ZBTB20: variants seen among roughly 807,000 people sequenced by gnomAD.
The protein encoded by ZBTB20 is zinc finger and BTB domain containing 20.
In ZBTB20, 9 loss-of-function variants were observed where a neutral mutation model predicts 56.9. That is an observed-to-expected ratio of 0.16 (90% confidence interval 0.10 to 0.28). ZBTB20 has a LOEUF of 0.28. ZBTB20 is among the 10% of genes least tolerant of loss of function. ZBTB20 has a pLI of 1.00. For missense variants in ZBTB20, 655 were observed against 1,003.0 expected (o/e 0.65, Z 4.69); for synonymous variants, 417 against 420.7 (o/e 0.99, Z 0.11).
Position 114,350,845 on chromosome 3 carries a change from C to T in ZBTB20, c.1233G>A (p.Gln411=), listed in dbSNP as rs1325759490. Residue 411 remains glutamine (Q), a synonymous_variant, in exon 11 of 12, where the codon CAG becomes CAA. Coordinates refer to ENST00000675478, the MANE Select transcript of ZBTB20 (RefSeq NM_001348800.3). The part of the protein sequence containing the change: ...DSQAEPTQPE[Q]AAEAPAEGGP... ...CACCCTCAGCGGGGGCTTCTGCAGC[C>T]TGCTCGGGTTGGGTGGGTTCAGCCT... The T allele has an allele frequency of 2.4e-5, 38 of 1,612,046 alleles. No individual in the cohort carries two copies. In the Admixed American group the frequency reaches 5.8e-4, roughly 25 times the overall value.
At chr3:114,756,926 C>G (rs1402609088) in intron 5 of ZBTB20, among the ~76,000 whole-genome samples, 1 of 152,044 alleles carries the variant, frequency 6.6e-6, no homozygotes, top group Non-Finnish European at 1.5e-5. Context: ...CTTCCAGATA[C>G]CAAAGGAATA....
chr3:114,420,594 C>T, intron 7 of ZBTB20, among the ~76,000 whole-genome samples: 1 of 152,146 alleles, frequency 6.6e-6, no homozygotes, highest in East Asian at 1.9e-4. Flanking sequence ...CTGAAGAATA[C>T]TATCCAGTCT....
intron 3 of ZBTB20, among the ~76,000 whole-genome samples, chr3:114,934,325 C>T (rs1204596876): frequency 6.6e-6 from 1 of 152,196 alleles, no homozygotes; most frequent in African/African-American, 2.4e-5. Context: ...TTGCTGCCCA[C>T]GATTCCTCAA....
chr3:114,558,509 G>A (rs2051556641), intron 6 of ZBTB20, among the ~76,000 whole-genome samples: 2 of 151,996 alleles, frequency 1.3e-5, no homozygotes, highest in South Asian at 4.1e-4. Context: ...TCATGAATCA[G>A]TTTCTGTTCT....
rs78012567 is a variant in ZBTB20 at position 114,831,091 on chromosome 3, T to C, written c.-416-29917A>G. Among the ~76,000 whole-genome samples the C allele has an allele frequency of 5.5e-5, 7 of 127,856 alleles. No homozygotes were observed. In the South Asian group the frequency reaches 6.8e-4, roughly 12 times the overall value. 83.9% of individuals were successfully genotyped at this position (127,856 alleles called of 152,430 possible). A position where few individuals can be genotyped will look rare whatever the true frequency, so the allele number is the denominator to read the frequency against. ...TTCTCTTATGGTTTCTTTCTTCTTT[T>C]TTTTTTTTTTTTTTTTTTTTTTTAG... On this transcript the variant is annotated intron_variant, in intron 4 of 11. Coordinates refer to ENST00000675478, the MANE Select transcript of ZBTB20 (RefSeq NM_001348800.3).
chr3:114,607,361 G>A (rs2057249848), intron 6 of ZBTB20, among the ~76,000 whole-genome samples: 2 of 149,350 alleles, frequency 1.3e-5, no homozygotes, highest in South Asian at 2.1e-4. Flanking sequence ...GGAGTGCAAT[G>A]GCATGATCTC....
At chr3:114,870,898 G>A (rs1046817601) in intron 4 of ZBTB20, among the ~76,000 whole-genome samples, 3 of 151,354 alleles carry the variant, frequency 2.0e-5, no homozygotes, top group Non-Finnish European at 2.9e-5. Context: ...CCTGTCTCTA[G>A]CCCCTTCCTT....
chr3:115,029,618 T>C (rs1489200467), intron 2 of ZBTB20, among the ~76,000 whole-genome samples: 7 of 150,862 alleles, frequency 4.6e-5, no homozygotes, highest in African/African-American at 1.7e-4. Flanking sequence ...TGATAAATAA[T>C]GCATTTTAAA....
chr3:114,693,778 G>A (rs1300423870), intron 5 of ZBTB20, among the ~76,000 whole-genome samples: 1 of 152,064 alleles, frequency 6.6e-6, no homozygotes, highest in East Asian at 1.9e-4. Context: ...CTGCCTGCAT[G>A]TTTAACTTTA....
At chr3:114,392,020 C>T (rs1576562086) in intron 7 of ZBTB20, among the ~76,000 whole-genome samples, 1 of 152,008 alleles carries the variant, frequency 6.6e-6, no homozygotes, top group African/African-American at 2.4e-5. Context: ...TTCAACAAAC[C>T]GAACTAATAA....
intron 6 of ZBTB20, among the ~76,000 whole-genome samples, chr3:114,636,472 A>G (rs891227500): frequency 6.6e-6 from 1 of 152,084 alleles, no homozygotes; most frequent in Non-Finnish European, 1.5e-5. Context: ...AAAAGTAATG[A>G]CATGATTTGT....
In ZBTB20 at chr3:114,361,277, G is replaced by A. The variant is rs567393294; in HGVS notation, c.200-9399C>T. On this transcript the variant is annotated intron_variant, in intron 10 of 11. Transcript: ENST00000675478. Reference sequence around the variant, plus strand: ...TTACTTCTCTTCTGCTGAATTTTCCGCAGTTCTGAAGTTATTGTGGTTTCT... The same window carrying A: ...TTACTTCTCTTCTGCTGAATTTTCCACAGTTCTGAAGTTATTGTGGTTTCT... Among the ~76,000 whole-genome samples the A allele has an allele frequency of 1.1e-4, 17 of 152,208 alleles. No individual in the cohort carries two copies. The South Asian group carries it at 2.7e-3, about 24-fold the overall frequency.
chr3:115,045,076 T>C (rs2081285274), intron 2 of ZBTB20, among the ~76,000 whole-genome samples: 1 of 152,194 alleles, frequency 6.6e-6, no homozygotes, highest in African/African-American at 2.4e-5. Flanking sequence ...AAATCATACT[T>C]AGCATTCCTG....
intron 2 of ZBTB20, among the ~76,000 whole-genome samples, chr3:115,035,568 CACAAA>C (rs1475118610): frequency 6.6e-6 from 1 of 151,668 alleles, no homozygotes; most frequent in Non-Finnish European, 1.5e-5. Flanking sequence ...CACACACACA[CACAAA>C]ACAAGTTTTA....
At chr3:114,622,938 A>T (rs2107776435) in intron 6 of ZBTB20, among the ~76,000 whole-genome samples, 1 of 152,326 alleles carries the variant, frequency 6.6e-6, no homozygotes, top group Middle Eastern at 3.4e-3. Flanking sequence ...AGCCTATGAG[A>T]ACCATATTGG....
At chr3:114,826,466 A>G (rs1411717542) in intron 4 of ZBTB20, among the ~76,000 whole-genome samples, 3 of 151,790 alleles carry the variant, frequency 2.0e-5, no homozygotes, top group African/African-American at 4.8e-5. Flanking sequence ...CAATGCCAAC[A>G]ATGTTCCATA....
intron 5 of ZBTB20, among the ~76,000 whole-genome samples, chr3:114,697,623 T>G (rs1417596622): frequency 1.3e-5 from 2 of 152,116 alleles, no homozygotes; most frequent in Non-Finnish European, 2.9e-5. Context: ...TTTCCCTTTT[T>G]GTCTCTGTGT....
At position 114,316,553 on chromosome 3, in the gene ZBTB20, A is replaced by G. The variant is rs775242387; in HGVS notation, c.*22452T>C. ...ATAGGAAGTGTGTATACATTTATAC[A>G]TAATATAGTGTATATCGTTTCAACT... is the stretch of plus-strand genomic sequence containing the variant. On this transcript the variant is annotated 3_prime_UTR_variant, in exon 12 of 12. Transcript: ENST00000675478. The G allele has an allele frequency of 1.3e-5, 7 of 533,766 alleles. No individual in the cohort carries two copies. Among genetic ancestry groups the G allele is most frequent in the Admixed American group, 1.2e-4 (6 of 51,392 alleles). 33.1% of individuals were successfully genotyped at this position (533,766 alleles called of 1,614,324 possible). A position where few individuals can be genotyped will look rare whatever the true frequency, so the allele number is the denominator to read the frequency against.
At chr3:114,809,649 A>G (rs896654236) in intron 4 of ZBTB20, among the ~76,000 whole-genome samples, 2 of 152,106 alleles carry the variant, frequency 1.3e-5, no homozygotes, top group African/African-American at 4.8e-5. Context: ...TTGTTTGCTA[A>G]GTTTAACATC....
Sources: allele counts gnomAD v4.1 joint callset (sites outside exome capture counted in the v4.1 genomes callset), GRCh38; gene constraint gnomAD v4.1.1; transcripts MANE v1.5; gene names NCBI Gene and HGNC (gene_info 2026-07-23, HGNC 2026-07-21).